PDSS2: variants seen among roughly 807,000 people sequenced by gnomAD.
The protein encoded by PDSS2 is all trans-polyprenyl-diphosphate synthase PDSS2.
PDSS2 carries 31 observed loss-of-function variants against 44.5 expected under a neutral mutation model. The observed-to-expected ratio is 0.70, with a 90% CI of 0.52 to 0.94. PDSS2 has a LOEUF of 0.94. Among genes scored for constraint, PDSS2 ranks in the 40% least tolerant of loss-of-function variants. The pLI, the probability that PDSS2 is intolerant of heterozygous loss-of-function variation, is 0.00. For synonymous variants in PDSS2, 157 were observed against 180.3 expected (o/e 0.87, Z 1.03); for missense variants, 452 against 482.2 (o/e 0.94, Z 0.59).
chr6:107,337,148 T>A (rs1263482714), intron 1 of PDSS2, among the ~76,000 whole-genome samples: 6 of 152,014 alleles, frequency 3.9e-5, no homozygotes, highest in Non-Finnish European at 7.4e-5. Flanking sequence ...TCAGAAACTG[T>A]TCTACATGTT....
At chr6:107,305,711 T>C (rs1365885652) in intron 2 of PDSS2, among the ~76,000 whole-genome samples, 1 of 152,224 alleles carries the variant, frequency 6.6e-6, no homozygotes, top group Non-Finnish European at 1.5e-5. Context: ...AGATAACTAA[T>C]GTCTTCTTTT....
At chr6:107,273,968 A>C in intron 3 of PDSS2, 61 bp downstream of exon 3, 1 of 1,331,016 alleles carries the variant, frequency 7.5e-7, no homozygotes, top group Admixed American at 1.7e-5. Context: ...CTGCAGCTCC[A>C]GCAGCCAACT....
At chr6:107,228,106 G>A (rs1252432157) in intron 4 of PDSS2, among the ~76,000 whole-genome samples, 1 of 152,026 alleles carries the variant, frequency 6.6e-6, no homozygotes, top group Non-Finnish European at 1.5e-5. Flanking sequence ...AAGATATTTT[G>A]CTGTGATAGT....
At position 107,245,607 on chromosome 6, in the gene PDSS2, A is replaced by G. The variant is rs1487952736; in HGVS notation, c.643T>C (p.Leu215=). ...ACCAAGTCCATAAGAGCACTTGCTAAAAGTTCCACAACCTAAAAAGCAAGA... is the reference window on the plus strand; with the variant it reads ...ACCAAGTCCATAAGAGCACTTGCTAGAAGTTCCACAACCTAAAAAGCAAGA... ...LLQNTKVVEL[L]ASALMDLVQG... Residue 215 remains leucine, a synonymous_variant, in exon 4 of 8, where the codon TTA becomes CTA. Coordinates refer to ENST00000369037, the MANE Select transcript of PDSS2 (RefSeq NM_020381.4). 1 of 1,583,716 alleles carries G rather than the reference A, an allele frequency of 6.3e-7. No individual in the cohort carries two copies. Among genetic ancestry groups the G allele is most frequent in the Non-Finnish European group, 8.6e-7 (1 of 1,157,884 alleles).
intron 6 of PDSS2, among the ~76,000 whole-genome samples, chr6:107,196,717 A>C (rs1043163253): frequency 2.0e-5 from 3 of 152,098 alleles, no homozygotes; most frequent in African/African-American, 7.2e-5. Flanking sequence ...GCAACTCCTG[A>C]CTTCAGGATG....
At chr6:107,189,890 CTTAAAA>C (rs1418344852) in intron 7 of PDSS2, among the ~76,000 whole-genome samples, 1 of 151,772 alleles carries the variant, frequency 6.6e-6, no homozygotes, top group Non-Finnish European at 1.5e-5. Context: ...GACCTCGTTC[CTTAAAA>C]TTAAATAAAT....
intron 7 of PDSS2, among the ~76,000 whole-genome samples, chr6:107,167,935 GA>G (rs1266853620): frequency 6.6e-6 from 1 of 152,160 alleles, no homozygotes; most frequent in Non-Finnish European, 1.5e-5. Flanking sequence ...GTGTGGTGCT[GA>G]AAAGAATGTA....
rs762944704 is a variant in PDSS2, at chr6:107,447,696, C to T, written c.296+11294G>A. Among the ~76,000 whole-genome samples, 7 of 152,290 alleles carry T rather than the reference C, an allele frequency of 4.6e-5. No individual in the cohort carries two copies. The East Asian group carries it at 5.8e-4, about 13-fold the overall frequency. ...TTCCAGACACATGGTGCAAGCTGTA[C>T]GTGGATCTACCATTCTGGGGTCTGA... On this transcript the variant is annotated intron_variant, in intron 1 of 7. Transcript: ENST00000369037.
intron 4 of PDSS2, among the ~76,000 whole-genome samples, chr6:107,222,894 C>G (rs1259488678): frequency 6.6e-6 from 1 of 151,758 alleles, no homozygotes; most frequent in Non-Finnish European, 1.5e-5. Context: ...CAGCTTAAGC[C>G]TAAAATGTCA....
intron 7 of PDSS2, among the ~76,000 whole-genome samples, chr6:107,183,756 G>A (rs1405246760): frequency 6.6e-6 from 1 of 152,146 alleles, no homozygotes; most frequent in Non-Finnish European, 1.5e-5. Flanking sequence ...TTAGCTGGGT[G>A]CAGTGGTGCA....
chr6:107,240,398 CTT>C (rs751073523), intron 4 of PDSS2, among the ~76,000 whole-genome samples: 1,851 of 130,938 alleles, frequency 0.014, 23 homozygotes, highest in African/African-American at 0.048. Flanking sequence ...GAGACCCTAC[CTT>C]TTTTTTTTTT....
chr6:107,156,143 G>A (rs1236821663), intron 7 of PDSS2, among the ~76,000 whole-genome samples: 1 of 150,022 alleles, frequency 6.7e-6, no homozygotes, highest in Non-Finnish European at 1.5e-5. Context: ...GCCTGCCTCA[G>A]CCTTCCAAAA....
chr6:107,159,085 G>T (rs147901794), intron 7 of PDSS2, among the ~76,000 whole-genome samples: 1 of 151,990 alleles, frequency 6.6e-6, no homozygotes, highest in Non-Finnish European at 1.5e-5. Context: ...GACTGCTGGG[G>T]GGACTACATA....
At position 107,212,139 on chromosome 6, in the gene PDSS2, C is replaced by T. The variant is rs1411774794; in HGVS notation, c.846G>A (p.Gln282=). The T allele has an allele frequency of 9.3e-6, 15 of 1,614,018 alleles. No individual in the cohort carries two copies. Among genetic ancestry groups the T allele is most frequent in the African/African-American group, 1.3e-5 (1 of 74,938 alleles). The stretch of plus-strand genomic sequence containing the variant: ...GACTCATGGCCATGTGCTTCCCATA[C>T]TGAAATGCCATATTCTGAACCTCAG... ...HDAEVQNMAF[Q]YGKHMAMSHK... Residue 282 remains glutamine (Q), a synonymous_variant, in exon 5 of 8, where the codon CAG becomes CAA. Coordinates refer to ENST00000369037, the MANE Select transcript of PDSS2 (RefSeq NM_020381.4).
rs745793346 is a variant in PDSS2, at chr6:107,459,226, C to G, written c.60G>C (p.Pro20=). 6.2e-7 allele frequency: 1 copy of G among 1,614,084 alleles called. No homozygotes were observed. Among genetic ancestry groups the G allele is most frequent in the South Asian group, 1.1e-5 (1 of 91,060 alleles). Residue 20 remains proline (P), a synonymous_variant, in exon 1 of 8, where the codon CCG becomes CCC. Coordinates refer to ENST00000369037, the MANE Select transcript of PDSS2 (RefSeq NM_020381.4). This position sits in a 1 kb window ranked among gnomAD's most constrained non-coding sequence, Gnocchi z 4.3. ...GGGACGGGGACCACCACAGGCGACGCGGGGAACCCGAGGCTCCAAGATAAC... is the reference window on the plus strand; with the variant it reads ...GGGACGGGGACCACCACAGGCGACGGGGGGAACCCGAGGCTCCAAGATAAC... The part of the protein sequence containing the change: ...LPRYLGASGS[P]RRLWWSPSLD...
At position 107,420,118 on chromosome 6, in the gene PDSS2, T is replaced by C. The variant is rs28677782; in HGVS notation, c.296+38872A>G. Among the ~76,000 whole-genome samples the C allele has an allele frequency of 7.9e-3, 1,201 of 152,362 alleles. 21 individuals are homozygous for C. Among genetic ancestry groups the C allele is most frequent in the African/African-American group, 0.026 (1,063 of 41,588 alleles). ...AGCCATCCTAAATGCTCTATTGATA[T>C]TATTTATACTTAAAACTGATAGCAC... On this transcript the variant is annotated intron_variant, in intron 1 of 7. Transcript: ENST00000369037.
chr6:107,165,015 G>GT (rs1326911701), intron 7 of PDSS2, among the ~76,000 whole-genome samples: 1 of 152,080 alleles, frequency 6.6e-6, no homozygotes, highest in Non-Finnish European at 1.5e-5. Flanking sequence ...TGATGGGGTT[G>GT]TTTTTTTCTT....
rs183230718 is a variant in PDSS2, at chr6:107,257,249, A to T, written c.631-11630T>A. Among the ~76,000 whole-genome samples, 4 of 152,026 alleles carry T rather than the reference A, an allele frequency of 2.6e-5. No homozygotes were observed. The East Asian group carries it at 7.8e-4, about 30-fold the overall frequency. On this transcript the variant is annotated intron_variant, in intron 3 of 7. Coordinates refer to ENST00000369037, the MANE Select transcript of PDSS2 (RefSeq NM_020381.4). ...ATTGTACCCTTGGATCAAATAATGGATACCCTGGGCCAGGCACAGTGGCTC... is the reference window on the plus strand; with the variant it reads ...ATTGTACCCTTGGATCAAATAATGGTTACCCTGGGCCAGGCACAGTGGCTC...
At chr6:107,444,017 T>C (rs866121538) in intron 1 of PDSS2, among the ~76,000 whole-genome samples, 15 of 152,240 alleles carry the variant, frequency 9.9e-5, no homozygotes, top group African/African-American at 3.4e-4. Flanking sequence ...TAAAACTCTA[T>C]GACATAGCTA....
Sources: allele counts gnomAD v4.1 joint callset (sites outside exome capture counted in the v4.1 genomes callset), GRCh38; gene constraint gnomAD v4.1.1; non-coding constraint Gnocchi (gnomAD v3.1); transcripts MANE v1.5; gene names NCBI Gene and HGNC (gene_info 2026-07-23, HGNC 2026-07-21).